ZCCHC7: variants seen among roughly 807,000 people sequenced by gnomAD.
ZCCHC7 encodes the protein zinc finger CCHC domain-containing protein 7.
ZCCHC7 carries 35 observed loss-of-function variants against 52.0 expected under a neutral mutation model. The ratio of observed to expected loss-of-function variants is 0.67; its 90% CI spans 0.51 to 0.89. ZCCHC7 has a LOEUF of 0.89. Among genes scored for constraint, ZCCHC7 ranks in the 40% least tolerant of loss-of-function variants. ZCCHC7 has a pLI of 0.00. For synonymous variants in ZCCHC7, 217 were observed against 221.5 expected, an observed-to-expected ratio of 0.98 and a Z score of 0.18; for missense variants, 574 against 649.1, an observed-to-expected ratio of 0.88 and a Z score of 1.26.
At chr9:37,149,437 C>T (rs997111660) in intron 2 of ZCCHC7, among the ~76,000 whole-genome samples, 5 of 151,836 alleles carry the variant, frequency 3.3e-5, no homozygotes. Context: ...GAAAAAAATA[C>T]CCCCCTGTCC....
intron 2 of ZCCHC7, among the ~76,000 whole-genome samples, chr9:37,210,700 T>G (rs1027862512): frequency 6.6e-6 from 1 of 152,220 alleles, no homozygotes; most frequent in African/African-American, 2.4e-5. Flanking sequence ...CCCTCACAGA[T>G]TTTCTCTACC....
At chr9:37,158,470 G>A (rs982477206) in intron 2 of ZCCHC7, among the ~76,000 whole-genome samples, 5 of 152,220 alleles carry the variant, frequency 3.3e-5, no homozygotes, top group Non-Finnish European at 4.4e-5. Flanking sequence ...AATGGATGAT[G>A]TGGGAACAGT....
intron 2 of ZCCHC7, among the ~76,000 whole-genome samples, chr9:37,239,042 G>T (rs1301271909): frequency 6.6e-6 from 1 of 152,014 alleles, no homozygotes; most frequent in Non-Finnish European, 1.5e-5. Context: ...CAATAAATTG[G>T]AGTCATCAGT....
intron 2 of ZCCHC7, among the ~76,000 whole-genome samples, chr9:37,148,483 A>C (rs1463523423): frequency 6.6e-6 from 1 of 152,138 alleles, no homozygotes; most frequent in Non-Finnish European, 1.5e-5. Context: ...TCTTAGACTG[A>C]GTTCCTCATT....
At chr9:37,315,222 A>T (rs1304551258) in intron 5 of ZCCHC7, among the ~76,000 whole-genome samples, 1 of 152,118 alleles carries the variant, frequency 6.6e-6, no homozygotes, top group Non-Finnish European at 1.5e-5. Flanking sequence ...AAGTATACAT[A>T]CCAGGCTCTT....
At chr9:37,349,590 G>A in intron 7 of ZCCHC7, 138 bp downstream of exon 7, 1 of 799,824 alleles carries the variant, frequency 1.3e-6, no homozygotes, top group Non-Finnish European at 2.0e-6. Flanking sequence ...ATTTTCAACT[G>A]GTTTACCCCT....
At chr9:37,155,980 A>G (rs957357539) in intron 2 of ZCCHC7, among the ~76,000 whole-genome samples, 2 of 152,232 alleles carry the variant, frequency 1.3e-5, no homozygotes, top group Non-Finnish European at 2.9e-5. Flanking sequence ...TCTACCATCC[A>G]TCTGTAGCAA....
chr9:37,273,792 G>C (rs187484210), intron 2 of ZCCHC7, among the ~76,000 whole-genome samples: 1 of 152,072 alleles, frequency 6.6e-6, no homozygotes, highest in East Asian at 1.9e-4. Context: ...TCTGTTGATT[G>C]CCTGTTCATA....
intron 2 of ZCCHC7, among the ~76,000 whole-genome samples, chr9:37,206,626 A>G (rs1823931354): frequency 6.6e-6 from 1 of 152,184 alleles, no homozygotes; most frequent in African/African-American, 2.4e-5. Context: ...TGTTGAGGTT[A>G]CAGGTGTGAG....
Position 37,182,866 on chromosome 9 carries a change from A to G in ZCCHC7, c.610+55924A>G, listed in dbSNP as rs559085400. Among the ~76,000 whole-genome samples, 375 of 152,278 alleles carry G rather than the reference A, an allele frequency of 2.5e-3. 2 individuals are homozygous for G. Among genetic ancestry groups the G allele is most frequent in the African/African-American group, 8.6e-3 (357 of 41,560 alleles). ...GCCTAGTGCTGGGCACATGTTTGCA[A>G]TCCCAGCTACTCAGCAGGCTGAGGC... is the stretch of plus-strand genomic sequence containing the variant. On this transcript the variant is annotated intron_variant, in intron 2 of 8. Transcript: ENST00000336755.
intron 2 of ZCCHC7, among the ~76,000 whole-genome samples, chr9:37,286,962 TCCCCCTCCC>T (rs1828267597): frequency 3.4e-3 from 1 of 296 alleles, no homozygotes. Flanking sequence ...CCTCCCTCCC[TCCCCCTCCC>T]CCCTCCCTCC....
At chr9:37,283,046 A>G (rs1373599842) in intron 2 of ZCCHC7, among the ~76,000 whole-genome samples, 1 of 151,968 alleles carries the variant, frequency 6.6e-6, no homozygotes, top group Admixed American at 6.6e-5. Context: ...GAGACTTAGG[A>G]TGGTATTAAA....
At chr9:37,152,411 A>G (rs947084003) in intron 2 of ZCCHC7, among the ~76,000 whole-genome samples, 1 of 152,210 alleles carries the variant, frequency 6.6e-6, no homozygotes, top group South Asian at 2.1e-4. Flanking sequence ...ACTAAAGTCC[A>G]TACATTATTC....
chr9:37,326,438 T>G (rs541484051), intron 5 of ZCCHC7, among the ~76,000 whole-genome samples: 1 of 151,566 alleles, frequency 6.6e-6, no homozygotes, highest in African/African-American at 2.4e-5. Flanking sequence ...ATATTAAAAC[T>G]GGAAAGCTGA....
Position 37,120,826 on chromosome 9 carries a change from G to T in ZCCHC7, c.-22+203G>T, listed in dbSNP as rs1006792979. The T allele has an allele frequency of 4.5e-5, 12 of 268,062 alleles. No homozygotes were observed. The East Asian group carries it at 6.3e-4, about 14-fold the overall frequency. 16.6% of individuals were successfully genotyped at this position (268,062 alleles called of 1,614,324 possible). On this transcript the variant is annotated intron_variant, in intron 1 of 8. Transcript: ENST00000336755. ...CGCGGCCGGGCTGCGGGTCTAGGGGGTCCGCGTCTCCCTGGCTTTCCAAGG... is the reference window on the plus strand; with the variant it reads ...CGCGGCCGGGCTGCGGGTCTAGGGGTTCCGCGTCTCCCTGGCTTTCCAAGG...
At chr9:37,307,686 C>T (rs1380895658) in intron 5 of ZCCHC7, among the ~76,000 whole-genome samples, 4 of 152,024 alleles carry the variant, frequency 2.6e-5, no homozygotes, top group Admixed American at 2.0e-4. Flanking sequence ...TAATCTTTTG[C>T]TCAATAAATT....
At chr9:37,215,675 A>G (rs1351889297) in intron 2 of ZCCHC7, among the ~76,000 whole-genome samples, 3 of 152,188 alleles carry the variant, frequency 2.0e-5, no homozygotes, top group Non-Finnish European at 2.9e-5. Flanking sequence ...ACTTCATTCT[A>G]ATGTCTTGCT....
At chr9:37,160,335 CTT>C (rs1184446455) in intron 2 of ZCCHC7, 34 of 152,232 alleles carry the variant, frequency 2.2e-4, no homozygotes, top group African/African-American at 8.2e-4. Flanking sequence ...CATAGCGAGA[CTT>C]CATCTCTACT....
intron 2 of ZCCHC7, among the ~76,000 whole-genome samples, chr9:37,209,053 T>C (rs1054394315): frequency 7.2e-5 from 11 of 152,146 alleles, no homozygotes; most frequent in African/African-American, 2.7e-4. Context: ...GCAATTTTTT[T>C]TTTTTGAGAT....
Sources: allele counts gnomAD v4.1 joint callset (sites outside exome capture counted in the v4.1 genomes callset), GRCh38; gene constraint gnomAD v4.1.1; transcripts MANE v1.5; gene names NCBI Gene and HGNC (gene_info 2026-07-23, HGNC 2026-07-21).